SEMA3C: variants seen among roughly 807,000 people sequenced by gnomAD.
SEMA3C encodes semaphorin 3C.
SEMA3C carries 47 observed loss-of-function variants against 89.4 expected under a neutral mutation model. The observed-to-expected ratio is 0.53, with a 90% CI of 0.42 to 0.67. SEMA3C has a LOEUF of 0.67. SEMA3C is among the 30% of genes least tolerant of loss of function. The pLI is 0.00. For synonymous variants in SEMA3C, 310 were observed against 320.2 expected (o/e 0.97, Z 0.34); for missense variants, 839 against 929.1 (o/e 0.90, Z 1.26).
At chr7:80,749,542 G>A (rs1194981507) in intron 16 of SEMA3C, among the ~76,000 whole-genome samples, 1 of 152,152 alleles carries the variant, frequency 6.6e-6, no homozygotes, top group East Asian at 1.9e-4. Flanking sequence ...GAATGTAGTG[G>A]TTGAGAACAC....
chr7:80,754,065 G>A (rs1168771216), intron 15 of SEMA3C, among the ~76,000 whole-genome samples: 1 of 152,158 alleles, frequency 6.6e-6, no homozygotes, highest in Non-Finnish European at 1.5e-5. Flanking sequence ...AGCCTCCTGA[G>A]TAGTTGGGAT....
At chr7:80,836,581 G>A (rs1332651161) in intron 2 of SEMA3C, among the ~76,000 whole-genome samples, 3 of 151,916 alleles carry the variant, frequency 2.0e-5, no homozygotes, top group African/African-American at 7.2e-5. Flanking sequence ...GGGAGGCTGA[G>A]GCAGGAGAAT....
chr7:80,851,504 TAAAAAAAAA>T lies in SEMA3C; in HGVS notation c.104-22768_104-22760del, dbSNP rs35936052. ...GGTGACAGAGCAAGACTCTTGTCTT[TAAAAAAAAA>T]AAAAAAAAAAAAAAAAAAGACATTC... On this transcript the variant is annotated intron_variant, in intron 2 of 17. Transcript: ENST00000265361. Among the ~76,000 whole-genome samples the T allele has an allele frequency of 4.8e-3, 338 of 69,804 alleles. 3 individuals carry two copies. Among genetic ancestry groups the T allele is most frequent in the African/African-American group, 0.016 (306 of 19,110 alleles). The allele number at this position is 69,804 out of a possible 152,430, so 45.8% of individuals were successfully genotyped here.
intron 12 of SEMA3C, among the ~76,000 whole-genome samples, chr7:80,783,957 G>C (rs183548788): frequency 3.3e-5 from 5 of 152,220 alleles, no homozygotes; most frequent in Admixed American, 1.3e-4. Flanking sequence ...AATCATAATA[G>C]CATTAAATCA....
chr7:80,903,815 T>C (rs757858058), intron 2 of SEMA3C, among the ~76,000 whole-genome samples: 57 of 152,050 alleles, frequency 3.7e-4, no homozygotes, highest in Admixed American at 6.6e-4. Context: ...AGGAAACAAA[T>C]GTAAAGAGCC....
intron 2 of SEMA3C, among the ~76,000 whole-genome samples, chr7:80,833,887 T>G (rs1318074875): frequency 6.6e-6 from 1 of 152,148 alleles, no homozygotes; most frequent in African/African-American, 2.4e-5. Context: ...AGTAAATGAA[T>G]GATCCAGTGA....
intron 1 of SEMA3C, 124 bp downstream of exon 1, chr7:80,918,701 CAAA>C: frequency 1.7e-5 from 9 of 542,384 alleles, no homozygotes; most frequent in African/African-American, 2.1e-5. Flanking sequence ...GCTTCCCTGA[CAAA>C]CCGCGTGTGT....
chr7:80,855,444 A>C (rs1168065924), intron 2 of SEMA3C, among the ~76,000 whole-genome samples: 2 of 152,126 alleles, frequency 1.3e-5, no homozygotes, highest in East Asian at 3.9e-4. Flanking sequence ...GTAATTTTTA[A>C]ATTTTTCATA....
chr7:80,879,612 A>G (rs945094100), intron 2 of SEMA3C, among the ~76,000 whole-genome samples: 1 of 152,186 alleles, frequency 6.6e-6, no homozygotes, highest in African/African-American at 2.4e-5. Context: ...TATGCTATAG[A>G]GTCTATGTTA....
At position 80,800,835 on chromosome 7, in the gene SEMA3C, A is replaced by C. The variant is rs1789184604; in HGVS notation, c.917-9T>G. 6.7e-7 allele frequency: 1 copy of C among 1,496,706 alleles called. No homozygotes were observed. The highest frequency in any genetic ancestry group is 1.5e-5 in the African/African-American group (1 of 67,920). 92.7% of individuals were successfully genotyped at this position (1,496,706 alleles called of 1,614,324 possible). ...CAGCAGAAACACATCCTCTATAAAA[A>C]GGAAAATATTCTTTTAAAGTTTCTA... On this transcript the variant is annotated splice_polypyrimidine_tract_variant and intron_variant, in intron 9 of 17. Coordinates refer to ENST00000265361, the MANE Select transcript of SEMA3C (RefSeq NM_006379.5).
chr7:80,790,306 G>GA (rs1214765801), intron 11 of SEMA3C, among the ~76,000 whole-genome samples: 2 of 151,264 alleles, frequency 1.3e-5, no homozygotes, highest in Non-Finnish European at 2.9e-5. Flanking sequence ...AAGAAGAAGA[G>GA]AAAAAAGGAG....
intron 2 of SEMA3C, among the ~76,000 whole-genome samples, chr7:80,898,603 C>T (rs1158366995): frequency 6.6e-6 from 1 of 152,002 alleles, no homozygotes; most frequent in African/African-American, 2.4e-5. Context: ...TCACACTAGT[C>T]CTGCAGCTCA....
intron 2 of SEMA3C, among the ~76,000 whole-genome samples, chr7:80,879,081 G>A (rs1017131941): frequency 3.9e-5 from 6 of 152,046 alleles, no homozygotes; most frequent in African/African-American, 1.2e-4. Context: ...CCCAATTGTA[G>A]AGGCCTGGAA....
chr7:80,864,091 A>G (rs1236363175), intron 2 of SEMA3C, among the ~76,000 whole-genome samples: 1 of 152,046 alleles, frequency 6.6e-6, no homozygotes, highest in Non-Finnish European at 1.5e-5. Flanking sequence ...CAGCATTGGC[A>G]GCAACCTGGA....
At chr7:80,886,465 T>A (rs1026166216) in intron 2 of SEMA3C, among the ~76,000 whole-genome samples, 1 of 151,938 alleles carries the variant, frequency 6.6e-6, no homozygotes, top group African/African-American at 2.4e-5. Flanking sequence ...GTGACTCTCC[T>A]GTCTCAGCCT....
At chr7:80,868,172 C>T (rs1790973579) in intron 2 of SEMA3C, among the ~76,000 whole-genome samples, 1 of 152,174 alleles carries the variant, frequency 6.6e-6, no homozygotes, top group Admixed American at 6.5e-5. Context: ...GTCTCTCTCC[C>T]AGGAAGACAA....
upstream of SEMA3C, chr7:80,919,183 C>G (rs922290373): frequency 2.6e-5 from 26 of 984,994 alleles, no homozygotes; most frequent in African/African-American, 4.0e-4. Flanking sequence ...CCGGCCGCAT[C>G]TCCGCCAGCC....
rs1554374546 is a variant in SEMA3C, at chr7:80,827,398, T to TTG, written c.327+26_327+27insCA. The TTG allele has an allele frequency of 4.3e-6, 6 of 1,399,654 alleles. No homozygotes were observed. In the South Asian group the frequency reaches 6.4e-5, roughly 15 times the overall value. 86.7% of individuals were successfully genotyped at this position (1,399,654 alleles called of 1,614,324 possible). A position where few individuals can be genotyped will look rare whatever the true frequency, so the allele number is the denominator to read the frequency against. On this transcript the variant is annotated intron_variant, in intron 4 of 17. Transcript: ENST00000265361. ...ACCAAATATTTAAGTTAGTGTTTTT[T>TTG]TTTTTTTTTTTTTTTTTAACACTTA...
intron 6 of SEMA3C, among the ~76,000 whole-genome samples, chr7:80,806,788 T>C (rs1253149550): frequency 6.6e-6 from 1 of 152,170 alleles, no homozygotes; most frequent in African/African-American, 2.4e-5. Flanking sequence ...ACTGTTGTTC[T>C]AGGATTACTC....
Sources: allele counts gnomAD v4.1 joint callset (sites outside exome capture counted in the v4.1 genomes callset), GRCh38; gene constraint gnomAD v4.1.1; transcripts MANE v1.5; gene names NCBI Gene and HGNC (gene_info 2026-07-23, HGNC 2026-07-21).